GALNT10: variants seen among roughly 807,000 people sequenced by gnomAD.
GALNT10 encodes polypeptide N-acetylgalactosaminyltransferase 10.
In GALNT10, 41 loss-of-function variants were observed where a neutral mutation model predicts 75.0. The ratio of observed to expected loss-of-function variants is 0.55; its 90% CI spans 0.43 to 0.71. The LOEUF is 0.71. Among genes scored for constraint, GALNT10 ranks in the 30% least tolerant of loss-of-function variants. The pLI, the probability that GALNT10 is intolerant of heterozygous loss-of-function variation, is 0.00. For synonymous variants in GALNT10, 302 were observed against 313.0 expected (o/e 0.96, Z 0.37); for missense variants, 727 against 818.5 (o/e 0.89, Z 1.36).
At chr5:154,219,834 T>C (rs917905039) in intron 1 of GALNT10, among the ~76,000 whole-genome samples, 1 of 129,606 alleles carries the variant, frequency 7.7e-6, no homozygotes, top group African/African-American at 2.8e-5. Context: ...TCTCTCTCTC[T>C]CTCTCACACA....
intron 4 of GALNT10, among the ~76,000 whole-genome samples, chr5:154,335,328 G>A (rs1006373173): frequency 6.6e-6 from 1 of 152,194 alleles, no homozygotes; most frequent in Non-Finnish European, 1.5e-5. Context: ...CCTAGAGGAG[G>A]TAAGGGGCAG....
intron 3 of GALNT10, among the ~76,000 whole-genome samples, chr5:154,317,996 G>T (rs531855277): frequency 6.6e-6 from 1 of 152,224 alleles, no homozygotes; most frequent in South Asian, 2.1e-4. Flanking sequence ...AAGAACTTGC[G>T]TCTTTCCCAG....
At chr5:154,212,892 C>T (rs1046530196) in intron 1 of GALNT10, among the ~76,000 whole-genome samples, 21 of 151,660 alleles carry the variant, frequency 1.4e-4, no homozygotes, top group East Asian at 1.2e-3. Flanking sequence ...GGCGTGAACC[C>T]GGGAGGCGGA....
At chr5:154,380,168 T>A (rs889359062) in intron 5 of GALNT10, among the ~76,000 whole-genome samples, 1 of 152,216 alleles carries the variant, frequency 6.6e-6, no homozygotes, top group Non-Finnish European at 1.5e-5. Context: ...CCTCATAACC[T>A]ATGAGGCAGA....
chr5:154,307,217 C>G (rs189690987), intron 3 of GALNT10, among the ~76,000 whole-genome samples: 3 of 152,340 alleles, frequency 2.0e-5, no homozygotes. Flanking sequence ...CTGAATAGTC[C>G]TATATCTATT....
Position 154,294,805 on chromosome 5 carries a change from C to T in GALNT10, c.160-11C>T. 2 of 1,467,712 alleles carry T rather than the reference C, an allele frequency of 1.4e-6. No homozygotes were observed. Among genetic ancestry groups the T allele is most frequent in the Non-Finnish European group, 1.9e-6 (2 of 1,047,762 alleles). 90.9% of individuals were successfully genotyped at this position (1,467,712 alleles called of 1,614,324 possible). A position where few individuals can be genotyped will look rare whatever the true frequency, so the allele number is the denominator to read the frequency against. The stretch of plus-strand genomic sequence containing the variant: ...CTTTTCTATTTTTCATAGTTTTTGT[C>T]TTTTTTTAAGGGCTCACACAGTCGA... On this transcript the variant is annotated splice_polypyrimidine_tract_variant and intron_variant, in intron 1 of 11. Transcript: ENST00000297107.
chr5:154,308,450 T>C (rs751680605), intron 3 of GALNT10, among the ~76,000 whole-genome samples: 1 of 152,200 alleles, frequency 6.6e-6, no homozygotes, highest in Non-Finnish European at 1.5e-5. Context: ...TCTTCTCGAA[T>C]GGTGATGTAA....
chr5:154,373,606 A>G (rs1179547525), intron 4 of GALNT10, among the ~76,000 whole-genome samples: 1 of 152,100 alleles, frequency 6.6e-6, no homozygotes, highest in Admixed American at 6.5e-5. Flanking sequence ...GGGCTCTATA[A>G]TTGTTCCCTA....
intron 1 of GALNT10, among the ~76,000 whole-genome samples, chr5:154,197,987 C>A (rs891858623): frequency 2.0e-5 from 3 of 152,146 alleles, no homozygotes; most frequent in African/African-American, 7.2e-5. Context: ...GCCCGTTAAG[C>A]CCTTCCTGCA....
chr5:154,332,455 TC>T (rs1207598713), intron 4 of GALNT10, among the ~76,000 whole-genome samples: 1 of 152,118 alleles, frequency 6.6e-6, no homozygotes, highest in Non-Finnish European at 1.5e-5. Flanking sequence ...AACGCCCTCT[TC>T]CCAGTTCTTC....
intron 4 of GALNT10, among the ~76,000 whole-genome samples, chr5:154,336,120 A>G (rs1017144208): frequency 4.6e-5 from 7 of 152,176 alleles, no homozygotes; most frequent in African/African-American, 1.7e-4. Flanking sequence ...TTCACTCACA[A>G]ATATGCACTT....
At chr5:154,309,848 T>A (rs1270416131) in intron 3 of GALNT10, among the ~76,000 whole-genome samples, 1 of 152,226 alleles carries the variant, frequency 6.6e-6, no homozygotes, top group African/African-American at 2.4e-5. Flanking sequence ...TCATTTGTGT[T>A]GTGAAAAATG....
chr5:154,384,654 A>T (rs1028309018), intron 6 of GALNT10, among the ~76,000 whole-genome samples: 2 of 152,200 alleles, frequency 1.3e-5, no homozygotes, highest in African/African-American at 4.8e-5. Context: ...TAAGGAAAGC[A>T]GAAATGAGAG....
chr5:154,408,790 ACT>A (rs1756335992), intron 8 of GALNT10, among the ~76,000 whole-genome samples: 2 of 152,034 alleles, frequency 1.3e-5, no homozygotes, highest in Admixed American at 1.3e-4. Flanking sequence ...CTTGGTCAAA[ACT>A]CTCAGTTGAA....
intron 4 of GALNT10, among the ~76,000 whole-genome samples, chr5:154,375,607 T>A (rs1755642231): frequency 6.6e-6 from 1 of 152,192 alleles, no homozygotes; most frequent in East Asian, 1.9e-4. Flanking sequence ...TCTCTCTCTA[T>A]CCATGTCTTG....
chr5:154,365,901 T>G (rs1278709599), intron 4 of GALNT10, among the ~76,000 whole-genome samples: 1 of 152,210 alleles, frequency 6.6e-6, no homozygotes, highest in East Asian at 1.9e-4. Context: ...CTAGAGGCAA[T>G]ACACTATTCT....
chr5:154,409,798 A>G lies in GALNT10; in HGVS notation c.1386+36A>G, dbSNP rs778081734. 2.4e-5 allele frequency: 33 copies of G among 1,370,122 alleles called. No individual in the cohort carries two copies. Among genetic ancestry groups the G allele is most frequent in the Non-Finnish European group, 3.4e-5 (33 of 958,482 alleles). The allele number at this position is 1,370,122 out of a possible 1,614,324, so 84.9% of individuals were successfully genotyped here. ...AGGGCAGGGCTGGCTCCATAATTTA[A>G]TGGGTGTGCAAAATGCAAATGCAGA... On this transcript the variant is annotated intron_variant, in intron 9 of 11. Transcript: ENST00000297107. The surrounding 1 kb of genome is among the most constrained non-coding windows in gnomAD (Gnocchi z 4.5).
intron 3 of GALNT10, among the ~76,000 whole-genome samples, chr5:154,311,131 G>A (rs1268634508): frequency 6.6e-6 from 1 of 152,082 alleles, no homozygotes; most frequent in Non-Finnish European, 1.5e-5. Context: ...TGTGTGGCTT[G>A]TTTTCTTTTT....
intron 4 of GALNT10, among the ~76,000 whole-genome samples, chr5:154,371,106 A>G (rs1351671344): frequency 6.6e-6 from 1 of 152,192 alleles, no homozygotes; most frequent in Non-Finnish European, 1.5e-5. Context: ...GGAGGATTCC[A>G]TGCCTGTTCC....
Sources: gnomAD v4.1 joint callset for allele counts (sites outside exome capture counted in the v4.1 genomes callset) on GRCh38, gnomAD v4.1.1 for gene constraint, Gnocchi (gnomAD v3.1) non-coding constraint, MANE v1.5 for transcripts, NCBI Gene and HGNC (gene_info 2026-07-23, HGNC 2026-07-21) for gene names.